Variants in GPC6 observed in about 807,000 individuals in gnomAD.
GPC6 encodes the protein glypican-6.
In GPC6, 14 loss-of-function variants were observed where a neutral mutation model predicts 55.2. The ratio of observed to expected loss-of-function variants is 0.25; its 90% CI spans 0.17 to 0.40. GPC6 has a LOEUF of 0.40. GPC6 is among the 10% of genes least tolerant of loss of function. The pLI is 1.00. For missense variants in GPC6, 641 were observed against 708.5 expected (o/e 0.90, Z 1.08); for synonymous variants, 278 against 259.6 (o/e 1.07, Z -0.68).
chr13:94,340,884 A>T (rs758094849), intron 6 of GPC6, among the ~76,000 whole-genome samples: 7 of 152,258 alleles, frequency 4.6e-5, no homozygotes, highest in Admixed American at 1.3e-4. Context: ...CCTTGCTAAC[A>T]TTACCAAATC....
intron 3 of GPC6, among the ~76,000 whole-genome samples, chr13:93,832,122 A>AAT (rs71126419): frequency 0.26 from 3,129 of 11,988 alleles, 430 homozygotes; most frequent in South Asian, 0.37. Flanking sequence ...AAAAAAAAAA[A>AAT]ATATATATAT....
At chr13:94,024,419 A>T (rs939182255) in intron 3 of GPC6, among the ~76,000 whole-genome samples, 28 of 152,118 alleles carry the variant, frequency 1.8e-4, no homozygotes, top group Non-Finnish European at 3.7e-4. Context: ...TTAAAGCAAC[A>T]TTTTCAGAAG....
intron 6 of GPC6, among the ~76,000 whole-genome samples, chr13:94,326,131 A>T (rs896361127): frequency 6.6e-5 from 10 of 152,052 alleles, no homozygotes; most frequent in African/African-American, 2.2e-4. Flanking sequence ...AGAAAGATGA[A>T]ATAACTAAAA....
At chr13:93,962,272 C>T (rs1175647570) in intron 3 of GPC6, among the ~76,000 whole-genome samples, 1 of 151,658 alleles carries the variant, frequency 6.6e-6, no homozygotes, top group Non-Finnish European at 1.5e-5. Flanking sequence ...TAAGTAATGG[C>T]ATCTTTTTAA....
chr13:93,817,826 T>G (rs1262084520), intron 2 of GPC6, among the ~76,000 whole-genome samples: 1 of 151,594 alleles, frequency 6.6e-6, no homozygotes, highest in Admixed American at 6.6e-5. Context: ...CCGCTGCACT[T>G]CAGCCTGGGT....
intron 2 of GPC6, among the ~76,000 whole-genome samples, chr13:93,678,308 T>C (rs1175658283): frequency 6.6e-6 from 1 of 152,184 alleles, no homozygotes; most frequent in Non-Finnish European, 1.5e-5. Context: ...TCCATAGATA[T>C]AGCATAGTCT....
chr13:93,535,534 T>C (rs1284027487), intron 1 of GPC6, among the ~76,000 whole-genome samples: 3 of 152,128 alleles, frequency 2.0e-5, no homozygotes, highest in Non-Finnish European at 2.9e-5. Flanking sequence ...GCTGTGTCAT[T>C]ATCAAACTTT....
At chr13:94,337,144 T>C (rs1230956110) in intron 6 of GPC6, among the ~76,000 whole-genome samples, 3 of 152,154 alleles carry the variant, frequency 2.0e-5, no homozygotes, top group South Asian at 2.1e-4. Context: ...TTTGCCCTCA[T>C]TTCTTATGAG....
intron 3 of GPC6, among the ~76,000 whole-genome samples, chr13:93,964,485 A>T (rs1296595242): frequency 6.6e-6 from 1 of 152,224 alleles, no homozygotes; most frequent in Non-Finnish European, 1.5e-5. Flanking sequence ...GCCCAGCACA[A>T]AACCCTTTAA....
At chr13:94,187,465 G>A (rs1171397191) in intron 4 of GPC6, 1 of 152,110 alleles carries the variant, frequency 6.6e-6, no homozygotes, top group African/African-American at 2.4e-5. Flanking sequence ...AATTTTACTG[G>A]CACCTCAACT....
At chr13:94,148,819 T>G (rs1230704718) in intron 4 of GPC6, among the ~76,000 whole-genome samples, 1 of 152,200 alleles carries the variant, frequency 6.6e-6, no homozygotes, top group Non-Finnish European at 1.5e-5. Flanking sequence ...ACTCCCTGGC[T>G]TTGTGAACTT....
At chr13:94,291,674 A>G (rs972543455) in intron 5 of GPC6, among the ~76,000 whole-genome samples, 8 of 152,080 alleles carry the variant, frequency 5.3e-5, no homozygotes, top group Non-Finnish European at 7.4e-5. Context: ...TATTCTAGCT[A>G]AGAACTGGGT....
chr13:93,937,930 C>T (rs151081045), intron 3 of GPC6, among the ~76,000 whole-genome samples: 1,670 of 152,152 alleles, frequency 0.011, 11 homozygotes, highest in Non-Finnish European at 0.018. Context: ...AGAAATGCTT[C>T]CAGAAATAAA....
chr13:93,679,279 A>ACTAGG (rs1393876680), intron 2 of GPC6, among the ~76,000 whole-genome samples: 8 of 152,108 alleles, frequency 5.3e-5, no homozygotes, highest in Non-Finnish European at 7.4e-5. Flanking sequence ...TGGCCTGTGG[A>ACTAGG]CCAATAATGG....
chr13:94,330,115 A>G (rs537036408), intron 6 of GPC6, among the ~76,000 whole-genome samples: 17 of 152,314 alleles, frequency 1.1e-4, no homozygotes, highest in Non-Finnish European at 2.2e-4. Flanking sequence ...ATCAGGACTG[A>G]TAACTCCCTG....
At chr13:93,377,592 T>C (rs890905631) in intron 1 of GPC6, among the ~76,000 whole-genome samples, 84 of 152,330 alleles carry the variant, frequency 5.5e-4, no homozygotes, top group African/African-American at 1.9e-3. Flanking sequence ...TGTTGGCAGC[T>C]GTGCCCCAGT....
At chr13:93,833,936 A>G (rs143708530) in intron 3 of GPC6, among the ~76,000 whole-genome samples, 194 of 152,246 alleles carry the variant, frequency 1.3e-3, no homozygotes, top group African/African-American at 4.5e-3. Flanking sequence ...TGTGATTCTT[A>G]GTGAATATCT....
At chr13:93,441,920 T>C (rs377467174) in intron 1 of GPC6, among the ~76,000 whole-genome samples, 27 of 152,274 alleles carry the variant, frequency 1.8e-4, no homozygotes, top group African/African-American at 5.8e-4. Flanking sequence ...CATAAACCTT[T>C]TCTCTGAGAA....
intron 4 of GPC6, among the ~76,000 whole-genome samples, chr13:94,192,940 A>T (rs1368694726): frequency 6.6e-6 from 1 of 152,096 alleles, no homozygotes; most frequent in East Asian, 1.9e-4. Flanking sequence ...GTTTAATGTG[A>T]GGTGACCCAG....
Sources: gnomAD v4.1 joint callset for allele counts (sites outside exome capture counted in the v4.1 genomes callset) on GRCh38, gnomAD v4.1.1 for gene constraint, MANE v1.5 for transcripts, NCBI Gene and HGNC (gene_info 2026-07-23, HGNC 2026-07-21) for gene names.